Variants in PHLDB2 observed in about 807,000 individuals in gnomAD.
PHLDB2 encodes the protein pleckstrin homology like domain family B member 2.
A neutral mutation model predicts 123.6 loss-of-function variants in PHLDB2; 71 were observed. The observed-to-expected ratio is 0.57, with a 90% CI of 0.47 to 0.70. The LOEUF is 0.70. PHLDB2 is among the 30% of genes least tolerant of loss of function. The pLI is 0.00. For missense variants in PHLDB2, 1,446 were observed against 1,519.5 expected, an observed-to-expected ratio of 0.95 and a Z score of 0.80; for synonymous variants, 547 against 541.6, an observed-to-expected ratio of 1.01 and a Z score of -0.14.
chr3:111,770,019 ATGT>A (rs2060147222), intron 1 of PHLDB2, among the ~76,000 whole-genome samples: 2 of 152,224 alleles, frequency 1.3e-5, no homozygotes, highest in Non-Finnish European at 2.9e-5. Flanking sequence ...TACCAAATTT[ATGT>A]CACTTTCCAG....
intron 1 of PHLDB2, among the ~76,000 whole-genome samples, chr3:111,841,954 T>C (rs987534893): frequency 2.0e-5 from 3 of 152,198 alleles, no homozygotes; most frequent in African/African-American, 7.2e-5. Context: ...GACAGCACAG[T>C]ACATGTATTA....
intron 3 of PHLDB2, chr3:111,914,442 A>G (rs754567866): frequency 2.7e-4 from 41 of 152,168 alleles, no homozygotes; most frequent in Non-Finnish European, 4.9e-4. Flanking sequence ...TTATATGTGC[A>G]TATAAACACA....
chr3:111,780,271 A>AGAAAGAAGAAG (rs34178824), intron 1 of PHLDB2, among the ~76,000 whole-genome samples: 2 of 7,772 alleles, frequency 2.6e-4, no homozygotes, highest in African/African-American at 8.2e-4. Flanking sequence ...AAGAAGAAGA[A>AGAAAGAAGAAG]AAGAAGAAGA....
chr3:111,868,537 C>CT (rs989094024), intron 1 of PHLDB2, among the ~76,000 whole-genome samples: 16 of 151,306 alleles, frequency 1.1e-4, no homozygotes, highest in East Asian at 1.9e-4. Flanking sequence ...GCATTTCTGT[C>CT]TTTTTTTTAA....
chr3:111,932,171 T>A, intron 5 of PHLDB2, 98 bp from the exon 6 acceptor site: 1 of 1,287,368 alleles, frequency 7.8e-7, no homozygotes, highest in Non-Finnish European at 1.1e-6. Context: ...CCAGAGTTTG[T>A]GTATGTTTGT....
At position 111,939,442 on chromosome 3, in the gene PHLDB2, G is replaced by A. The variant is rs773260893; in HGVS notation, c.2131-33G>A. On this transcript the variant is annotated intron_variant, in intron 6 of 17. Coordinates refer to ENST00000431670, the MANE Select transcript of PHLDB2 (RefSeq NM_001134438.2). ...CATTAAGAAGGTGGTAGTTATCTCA[G>A]TGTGTCTTGTTTTCATTCACTTTTC... 3 of 1,581,926 alleles carry A rather than the reference G, an allele frequency of 1.9e-6. No homozygotes were observed. In the South Asian group the frequency reaches 3.5e-5, roughly 18 times the overall value.
chr3:111,780,412 A>AGAAGAAG (rs2060419890), intron 1 of PHLDB2, among the ~76,000 whole-genome samples: 2 of 116,680 alleles, frequency 1.7e-5, no homozygotes, highest in Admixed American at 8.5e-5. Context: ...AGAAGAAGAA[A>AGAAGAAG]AAGATTAGTT....
At chr3:111,750,087 G>GCACCA (rs2059744187) in intron 1 of PHLDB2, among the ~76,000 whole-genome samples, 5 of 152,254 alleles carry the variant, frequency 3.3e-5, no homozygotes, top group Admixed American at 2.6e-4. Context: ...AAGGATTAAG[G>GCACCA]GGTTATATGA....
intron 12 of PHLDB2, among the ~76,000 whole-genome samples, chr3:111,955,699 AC>A (rs2071010649): frequency 1.3e-5 from 2 of 151,956 alleles, no homozygotes; most frequent in Non-Finnish European, 2.9e-5. Context: ...GTGATCTCCC[AC>A]CTTGGCCTCC....
At chr3:111,897,514 T>C (rs145871756) in intron 2 of PHLDB2, among the ~76,000 whole-genome samples, 2 of 152,242 alleles carry the variant, frequency 1.3e-5, no homozygotes, top group Non-Finnish European at 2.9e-5. Context: ...TCTGGTGAAG[T>C]CTAATGACTG....
At chr3:111,960,161 C>T (rs2107658791) in intron 12 of PHLDB2, 1 of 876,254 alleles carries the variant, frequency 1.1e-6, no homozygotes, top group South Asian at 5.3e-5. Flanking sequence ...TTAGTAATTC[C>T]AAAAGTTCAA....
chr3:111,885,339 GA>G lies in PHLDB2; in HGVS notation c.1263del (p.Arg422ValfsTer4). ...AAAAGCAGTATTAGCTCCATTTCAG[GA>G]CGTGATGACCTGATGGATTATCACC... ...ERKSSISSIS[G>X]RDDLMDYHRR... On this transcript the variant is annotated frameshift_variant, in exon 2 of 18. Transcript: ENST00000431670. LOFTEE classifies it high-confidence loss of function. 1 of 1,614,110 alleles carries G rather than the reference GA, an allele frequency of 6.2e-7. No individual in the cohort carries two copies. The highest frequency in any genetic ancestry group is 8.5e-7 in the Non-Finnish European group (1 of 1,180,036).
chr3:111,951,015 T>C (rs938119647), intron 10 of PHLDB2, among the ~76,000 whole-genome samples: 3 of 152,200 alleles, frequency 2.0e-5, no homozygotes, highest in Admixed American at 6.5e-5. Context: ...TCAGTTAGAC[T>C]GTGTTTTCAT....
chr3:111,958,608 T>G (rs1406567510), intron 12 of PHLDB2: 1 of 427,084 alleles, frequency 2.3e-6, no homozygotes, highest in Non-Finnish European at 4.6e-6. Flanking sequence ...GGGTTCCTTG[T>G]GTGGCTATGA....
At chr3:111,837,725 T>C (rs1357796348) in intron 1 of PHLDB2, among the ~76,000 whole-genome samples, 1 of 152,140 alleles carries the variant, frequency 6.6e-6, no homozygotes, top group African/African-American at 2.4e-5. Flanking sequence ...GAAGACTTTC[T>C]TTGGAAACTT....
intron 1 of PHLDB2, among the ~76,000 whole-genome samples, chr3:111,769,619 G>GTTA (rs1485821827): frequency 6.6e-6 from 1 of 152,234 alleles, no homozygotes; most frequent in African/African-American, 2.4e-5. Context: ...GAAGAGTGAT[G>GTTA]TTAGGGAACT....
chr3:111,799,161 C>T (rs2061286375), intron 1 of PHLDB2, among the ~76,000 whole-genome samples: 7 of 152,218 alleles, frequency 4.6e-5, no homozygotes. Context: ...TTACTTCCCA[C>T]TGGGTCCCTC....
rs750380151 is a variant in PHLDB2, at chr3:111,932,542, A to T, written c.2130+145A>T. The T allele has an allele frequency of 5.0e-6, 4 of 792,528 alleles. No individual in the cohort carries two copies. The African/African-American group carries it at 5.2e-5, about 10-fold the overall frequency. The allele number at this position is 792,528 out of a possible 1,614,324, so 49.1% of individuals were successfully genotyped here. A position where few individuals can be genotyped will look rare whatever the true frequency, so the allele number is the denominator to read the frequency against. ...TAGATACGTTTAAATGGAAATATGC[A>T]TGCTAACAGTATATATTATTCCATG... On this transcript the variant is annotated intron_variant, in intron 6 of 17. Coordinates refer to ENST00000431670, the MANE Select transcript of PHLDB2 (RefSeq NM_001134438.2).
chr3:111,867,922 G>A (rs944817294), intron 1 of PHLDB2, among the ~76,000 whole-genome samples: 14 of 151,650 alleles, frequency 9.2e-5, no homozygotes, highest in Middle Eastern at 3.4e-3. Flanking sequence ...AGCTGGTCTC[G>A]AATCCTGGGC....
Sources: allele counts gnomAD v4.1 joint callset (sites outside exome capture counted in the v4.1 genomes callset), GRCh38; gene constraint gnomAD v4.1.1; transcripts MANE v1.5; gene names NCBI Gene and HGNC (gene_info 2026-07-23, HGNC 2026-07-21).